Variants in CSMD3 observed in about 807,000 individuals in gnomAD.
CSMD3 encodes the protein CUB and sushi domain-containing protein 3.
A neutral mutation model predicts 435.2 loss-of-function variants in CSMD3; 177 were observed. The ratio of observed to expected loss-of-function variants is 0.41; its 90% CI spans 0.36 to 0.46. The LOEUF (loss-of-function observed/expected upper bound fraction) is 0.46, where lower values mean the gene tolerates loss of function less well. Ranked by LOEUF, CSMD3 falls within the 20% of genes least tolerant of loss-of-function variation. CSMD3 has a pLI of 0.34. For missense variants in CSMD3, 4,265 were observed against 4,504.6 expected, an observed-to-expected ratio of 0.95 and a Z score of 1.52; for synonymous variants, 1,656 against 1,520.5, an observed-to-expected ratio of 1.09 and a Z score of -2.07.
At chr8:113,099,674 G>A (rs2090273766) in intron 4 of CSMD3, among the ~76,000 whole-genome samples, 1 of 152,022 alleles carries the variant, frequency 6.6e-6, no homozygotes, top group Non-Finnish European at 1.5e-5. Context: ...GTGATTCTGA[G>A]TTTCCAAATT....
At chr8:112,279,381 T>C (rs1360146894) in intron 59 of CSMD3, among the ~76,000 whole-genome samples, 2 of 152,164 alleles carry the variant, frequency 1.3e-5, no homozygotes, top group Non-Finnish European at 2.9e-5. Flanking sequence ...ACCTTAAACA[T>C]TGAAACTGTT....
intron 59 of CSMD3, among the ~76,000 whole-genome samples, chr8:112,279,223 A>G (rs1818393286): frequency 6.6e-6 from 1 of 152,226 alleles, no homozygotes; most frequent in South Asian, 2.1e-4. Flanking sequence ...AGATTCTGAT[A>G]TGTAGTACTT....
intron 3 of CSMD3, among the ~76,000 whole-genome samples, chr8:113,248,105 A>G (rs2093294875): frequency 6.6e-6 from 1 of 152,074 alleles, no homozygotes; most frequent in African/African-American, 2.4e-5. Flanking sequence ...TTCCACTGAC[A>G]TCAACTGGAC....
intron 3 of CSMD3, among the ~76,000 whole-genome samples, chr8:113,215,583 G>T (rs993955133): frequency 6.6e-6 from 1 of 151,798 alleles, no homozygotes; most frequent in African/African-American, 2.4e-5. Flanking sequence ...ACTTGTGACT[G>T]CAAATCCTCT....
chr8:112,904,486 A>G (rs1587631467), intron 10 of CSMD3, among the ~76,000 whole-genome samples: 1 of 151,466 alleles, frequency 6.6e-6, no homozygotes, highest in East Asian at 2.0e-4. Flanking sequence ...TTAGATGACT[A>G]AGGAGATCTT....
At chr8:112,400,096 T>C (rs1333291473) in intron 35 of CSMD3, among the ~76,000 whole-genome samples, 1 of 152,190 alleles carries the variant, frequency 6.6e-6, no homozygotes, top group African/African-American at 2.4e-5. Flanking sequence ...CAATTTTCCA[T>C]CTTAGTCTGT....
At chr8:112,418,323 T>TATAC (rs1181336221) in intron 32 of CSMD3, among the ~76,000 whole-genome samples, 2 of 152,206 alleles carry the variant, frequency 1.3e-5, no homozygotes, top group Non-Finnish European at 2.9e-5. Flanking sequence ...GTTACATATG[T>TATAC]ATACATGTGT....
intron 6 of CSMD3, among the ~76,000 whole-genome samples, chr8:112,991,109 C>T (rs981597217): frequency 6.6e-6 from 1 of 151,556 alleles, no homozygotes; most frequent in Non-Finnish European, 1.5e-5. Context: ...CAATTTCATA[C>T]TTATGAGGAC....
At chr8:112,719,305 C>G (rs533273030) in intron 13 of CSMD3, among the ~76,000 whole-genome samples, 40 of 152,216 alleles carry the variant, frequency 2.6e-4, no homozygotes, top group African/African-American at 9.1e-4. Context: ...AGGTCAGCAA[C>G]ATAATATGCC....
At chr8:113,363,712 T>C (rs1214590396) in intron 1 of CSMD3, among the ~76,000 whole-genome samples, 1 of 152,154 alleles carries the variant, frequency 6.6e-6, no homozygotes, top group African/African-American at 2.4e-5. Context: ...ACTCAGAGAA[T>C]CCAGGGTAAT....
chr8:113,389,550 C>T (rs1337300432), intron 1 of CSMD3, among the ~76,000 whole-genome samples: 1 of 151,678 alleles, frequency 6.6e-6, no homozygotes, highest in East Asian at 1.9e-4. Context: ...TTAAAACAAT[C>T]TCTGGGGTAG....
At chr8:112,929,664 C>G (rs1187852896) in intron 9 of CSMD3, among the ~76,000 whole-genome samples, 1 of 151,780 alleles carries the variant, frequency 6.6e-6, no homozygotes, top group East Asian at 1.9e-4. Flanking sequence ...AGATCCATAA[C>G]TGTGTTATAA....
chr8:113,264,544 T>C (rs986222129), intron 3 of CSMD3, among the ~76,000 whole-genome samples: 1 of 151,476 alleles, frequency 6.6e-6, no homozygotes, highest in African/African-American at 2.4e-5. Context: ...GTAGGTCATA[T>C]ATCACTAACT....
chr8:112,241,841 T>TACACAC (rs2130068032), intron 65 of CSMD3, 56 bp from the exon 66 acceptor site: 3 of 798,958 alleles, frequency 3.8e-6, no homozygotes, highest in South Asian at 1.4e-5. Flanking sequence ...TACATACACA[T>TACACAC]GCGCACACAC....
intron 3 of CSMD3, among the ~76,000 whole-genome samples, chr8:113,252,995 A>G (rs2093347848): frequency 6.6e-6 from 1 of 152,186 alleles, no homozygotes; most frequent in Non-Finnish European, 1.5e-5. Flanking sequence ...TACAGGACAG[A>G]ATTTCTCCAC....
At chr8:112,718,280 A>G (rs1440581527) in intron 13 of CSMD3, among the ~76,000 whole-genome samples, 1 of 151,924 alleles carries the variant, frequency 6.6e-6, no homozygotes, top group Non-Finnish European at 1.5e-5. Context: ...TCTATATACT[A>G]TGAAGGATAC....
At chr8:113,115,285 C>A (rs1159953803) in intron 4 of CSMD3, among the ~76,000 whole-genome samples, 1 of 152,144 alleles carries the variant, frequency 6.6e-6, no homozygotes, top group Non-Finnish European at 1.5e-5. Context: ...TTGAGGTGTT[C>A]TCCTTTTTAT....
intron 22 of CSMD3, among the ~76,000 whole-genome samples, chr8:112,591,865 G>A (rs4486235): frequency 0.58 from 87,310 of 151,508 alleles, 25,705 homozygotes; most frequent in African/African-American, 0.69. Flanking sequence ...AGCCCATTAT[G>A]TTCCAAATAT....
intron 13 of CSMD3, among the ~76,000 whole-genome samples, chr8:112,729,020 C>G (rs953693051): frequency 2.6e-5 from 4 of 151,882 alleles, no homozygotes; most frequent in African/African-American, 9.7e-5. Flanking sequence ...GCTTCAAAAA[C>G]TGACATTTTT....
Sources: allele counts gnomAD v4.1 joint callset (sites outside exome capture counted in the v4.1 genomes callset), GRCh38; gene constraint gnomAD v4.1.1; transcripts MANE v1.5; gene names NCBI Gene and HGNC (gene_info 2026-07-23, HGNC 2026-07-21).